BIRC3: variants seen among roughly 807,000 people sequenced by gnomAD.
BIRC3 encodes the protein baculoviral IAP repeat containing 3.
In BIRC3, 26 loss-of-function variants were observed where a neutral mutation model predicts 59.0. The observed-to-expected ratio is 0.44, with a 90% CI of 0.32 to 0.61. BIRC3 has a LOEUF of 0.61. Among genes scored for constraint, BIRC3 ranks in the 20% least tolerant of loss-of-function variants. The pLI is 0.04. For missense variants in BIRC3, 641 were observed against 711.5 expected (o/e 0.90, Z 1.13); for synonymous variants, 243 against 249.2 (o/e 0.98, Z 0.24).
rs898754712 is a variant in BIRC3, at chr11:102,324,451, T to C, written c.-59T>C. 23 of 1,520,138 alleles carry C rather than the reference T, an allele frequency of 1.5e-5. No individual in the cohort carries two copies. The African/African-American group carries it at 2.4e-4, about 16-fold the overall frequency. 94.2% of individuals were successfully genotyped at this position (1,520,138 alleles called of 1,614,324 possible). ...ATTAAAACTGATAAAAGCAAAGCCATGCACAAAACTACCTCCCTAGAGAAA... is the reference window on the plus strand; with the variant it reads ...ATTAAAACTGATAAAAGCAAAGCCACGCACAAAACTACCTCCCTAGAGAAA... On this transcript the variant is annotated 5_prime_UTR_variant, in exon 2 of 9. An upstream start codon of the reference 5' UTR is lost. Transcript: ENST00000263464.
In BIRC3 at chr11:102,331,053, C is replaced by T. The variant is rs761718383; in HGVS notation, c.1136C>T (p.Thr379Ile). 4.3e-6 allele frequency: 7 copies of T among 1,613,810 alleles called. No individual in the cohort carries two copies. In the Admixed American group the frequency reaches 8.3e-5, roughly 19 times the overall value. Residue 379 changes from threonine to isoleucine, a missense_variant, in exon 6 of 9, where the codon ACT becomes ATT. Around this residue, in one of 4 missense-constraint regions of BIRC3, gnomAD observed 268 missense variants for 255.7 expected, o/e 1.05. Coordinates refer to ENST00000263464, the MANE Select transcript of BIRC3 (RefSeq NM_001165.5). ...TCAGAAGATGCAATCATGATGAATACTCCTGTGATTAATGCTGCCGTGGAA... is the reference window on the plus strand; with the variant it reads ...TCAGAAGATGCAATCATGATGAATATTCCTGTGATTAATGCTGCCGTGGAA... ...DHSEDAIMMN[T>I]PVINAAVEMG... is the part of the protein sequence containing the mutation.
In BIRC3 at chr11:102,337,338, C is replaced by T. The variant is rs897086209; in HGVS notation, c.*236C>T. The T allele has an allele frequency of 2.5e-6, 1 of 402,324 alleles. No homozygotes were observed. The highest frequency in any genetic ancestry group is 2.1e-5 in the African/African-American group (1 of 48,602). 24.9% of individuals were successfully genotyped at this position (402,324 alleles called of 1,614,324 possible). On this transcript the variant is annotated 3_prime_UTR_variant, in exon 9 of 9. Coordinates refer to ENST00000263464, the MANE Select transcript of BIRC3 (RefSeq NM_001165.5). ...CGAAAAAGAGGTAGCACTACAAACA[C>T]AATATTCAATCAAAATTTCAGCATT... is the stretch of plus-strand genomic sequence containing the variant.
Position 102,324,938 on chromosome 11 carries a change from A to G in BIRC3, c.429A>G (p.Ser143=), listed in dbSNP as rs763857331. The change falls in exon 2 of 9, where the codon TCA becomes TCG. Residue 143 remains serine, a synonymous_variant. Coordinates refer to ENST00000263464, the MANE Select transcript of BIRC3 (RefSeq NM_001165.5). ...YFRGSYSNSP[S]NPVNSRANQD... is the part of the protein sequence containing the mutation. ...GTGGCTCTTATTCAAACTCTCCATC[A>G]AATCCTGTAAACTCCAGAGCAAATC... 6 of 1,614,054 alleles carry G rather than the reference A, an allele frequency of 3.7e-6. No individual in the cohort carries two copies. In the South Asian group the frequency reaches 6.6e-5, roughly 18 times the overall value.
chr11:102,321,501 C>T (rs1358221871), intron 1 of BIRC3, among the ~76,000 whole-genome samples: 4 of 152,092 alleles, frequency 2.6e-5, no homozygotes, highest in East Asian at 3.9e-4. Flanking sequence ...ATTACAGGCG[C>T]GTACCACCAC....
At chr11:102,331,938 G>T (rs1311395987) in intron 6 of BIRC3, among the ~76,000 whole-genome samples, 1 of 152,150 alleles carries the variant, frequency 6.6e-6, no homozygotes, top group African/African-American at 2.4e-5. Flanking sequence ...ACCGTGCCTG[G>T]CTGGATGGTT....
At position 102,338,871 on chromosome 11, in the gene BIRC3, T is replaced by G; in HGVS notation, c.*1769T>G. 1 of 222,608 alleles carries G rather than the reference T, an allele frequency of 4.5e-6. No homozygotes were observed. 13.8% of individuals were successfully genotyped at this position (222,608 alleles called of 1,614,324 possible). ...TTCTGTGGCTTGCCTTCAGGGAGAA[T>G]GAGGCTGAGACAGGAGGGCAGGATA... is the stretch of plus-strand genomic sequence containing the variant. On this transcript the variant is annotated 3_prime_UTR_variant, in exon 9 of 9. Coordinates refer to ENST00000263464, the MANE Select transcript of BIRC3 (RefSeq NM_001165.5).
Position 102,336,778 on chromosome 11 carries a change from A to G in BIRC3, c.1598A>G (p.Tyr533Cys), listed in dbSNP as rs1380092376. 24 of 1,607,706 alleles carry G rather than the reference A, an allele frequency of 1.5e-5. No homozygotes were observed. Among genetic ancestry groups the G allele is most frequent in the Non-Finnish European group, 2.0e-5 (23 of 1,177,218 alleles). ...CCCTTAGTGCAACAGGACATAAAAT[A>G]TATTCCCACAGAAGATGTTTCAGGT... ...EHLFVQQDIK[Y>C]IPTEDVSDLP... is the part of the protein sequence containing the mutation. Residue 533 changes from tyrosine to cysteine, a missense_variant, in exon 8 of 9, where the codon TAT becomes TGT. Around this residue, in one of 4 missense-constraint regions of BIRC3, gnomAD observed 268 missense variants for 255.7 expected, o/e 1.05. Coordinates refer to ENST00000263464, the MANE Select transcript of BIRC3 (RefSeq NM_001165.5).
At chr11:102,318,020 T>C (rs1950989299) in intron 1 of BIRC3, among the ~76,000 whole-genome samples, 1 of 152,208 alleles carries the variant, frequency 6.6e-6, no homozygotes, top group Admixed American at 6.5e-5. Flanking sequence ...GTCTTCCTGG[T>C]GATCAGCATG....
rs1413284742 is a variant in BIRC3 at position 102,338,143 on chromosome 11, C to T, written c.*1041C>T. On this transcript the variant is annotated 3_prime_UTR_variant, in exon 9 of 9. Transcript: ENST00000263464. ...TCATATTGTCAGTGCAACAAAATGT[C>T]CCCCTCTGCATTATGTTATTGGTAC... 1 of 228,482 alleles carries T rather than the reference C, an allele frequency of 4.4e-6. No individual in the cohort carries two copies. Among genetic ancestry groups the T allele is most frequent in the East Asian group, 6.3e-5 (1 of 15,990 alleles). The allele number at this position is 228,482 out of a possible 1,614,324, so 14.2% of individuals were successfully genotyped here.
chr11:102,325,602 A>T (rs373684343), intron 3 of BIRC3, 37 bp downstream of exon 3: 21 of 1,587,098 alleles, frequency 1.3e-5, no homozygotes, highest in Non-Finnish European at 1.8e-5. Context: ...AATTCTTGTG[A>T]TTATCATGAG....
intron 4 of BIRC3, among the ~76,000 whole-genome samples, chr11:102,328,374 G>A (rs1020145367): frequency 6.6e-6 from 1 of 151,962 alleles, no homozygotes; most frequent in Non-Finnish European, 1.5e-5. Flanking sequence ...ATCAAACTTC[G>A]AGAAAAAATG....
At position 102,325,365 on chromosome 11, in the gene BIRC3, A is replaced by G. The variant is rs1171148865; in HGVS notation, c.853+3A>G. 3 of 1,592,788 alleles carry G rather than the reference A, an allele frequency of 1.9e-6. No homozygotes were observed. The highest frequency in any genetic ancestry group is 2.2e-5 in the East Asian group (1 of 44,652). On this transcript the variant is annotated splice_donor_region_variant and intron_variant, in intron 2 of 8. Coordinates refer to ENST00000263464, the MANE Select transcript of BIRC3 (RefSeq NM_001165.5). Reference sequence around the variant, plus strand: ...AAGTGCGGGTTTTTATTATGTGGGTAAGAAACTGAATCTGCTAATTAAAAA... The same window carrying G: ...AAGTGCGGGTTTTTATTATGTGGGTGAGAAACTGAATCTGCTAATTAAAAA...
In BIRC3 at chr11:102,323,956, C is replaced by T; in HGVS notation, c.-554C>T. 1 of 205,046 alleles carries T rather than the reference C, an allele frequency of 4.9e-6. No individual in the cohort carries two copies. The allele number at this position is 205,046 out of a possible 1,614,324, so 12.7% of individuals were successfully genotyped here. ...TGAAATATGGTAATGTATTATTTTCCTCCTTTGAGTTAGGTCTTGTGCTTT... is the reference window on the plus strand; with the variant it reads ...TGAAATATGGTAATGTATTATTTTCTTCCTTTGAGTTAGGTCTTGTGCTTT... On this transcript the variant is annotated 5_prime_UTR_variant, in exon 2 of 9. Transcript: ENST00000263464.
At chr11:102,326,331 G>C (rs558844577) in intron 3 of BIRC3, among the ~76,000 whole-genome samples, 32 of 152,322 alleles carry the variant, frequency 2.1e-4, no homozygotes, top group African/African-American at 7.5e-4. Flanking sequence ...GGTAAGTATA[G>C]ACTCATCTCA....
intron 6 of BIRC3, among the ~76,000 whole-genome samples, chr11:102,334,989 C>T (rs1292501517): frequency 2.0e-5 from 3 of 152,082 alleles, no homozygotes; most frequent in Non-Finnish European, 2.9e-5. Flanking sequence ...ACTTGTAATC[C>T]CAGCACTTTT....
At chr11:102,318,286 T>C (rs2135779718) in intron 1 of BIRC3, among the ~76,000 whole-genome samples, 1 of 152,330 alleles carries the variant, frequency 6.6e-6, no homozygotes. Flanking sequence ...CTTGGAGATT[T>C]ACTTGTGCAA....
intron 6 of BIRC3, among the ~76,000 whole-genome samples, chr11:102,335,531 G>A (rs1446391431): frequency 6.6e-6 from 1 of 152,124 alleles, no homozygotes; most frequent in South Asian, 2.1e-4. Context: ...TGTTAAATGA[G>A]GCTATTAGGA....
At chr11:102,333,418 G>A (rs1951164561) in intron 6 of BIRC3, among the ~76,000 whole-genome samples, 1 of 151,828 alleles carries the variant, frequency 6.6e-6, no homozygotes, top group African/African-American at 2.4e-5. Context: ...ATAAAAATTA[G>A]CAGGGTGTGG....
intron 1 of BIRC3, among the ~76,000 whole-genome samples, chr11:102,321,347 G>GTTTTA (rs201549635): frequency 0.021 from 3,158 of 151,978 alleles, 61 homozygotes; most frequent in African/African-American, 0.048. Flanking sequence ...AAACCTCTGG[G>GTTTTA]TTTTATTTTA....
Sources: gnomAD v4.1 joint callset for allele counts (sites outside exome capture counted in the v4.1 genomes callset) on GRCh38, gnomAD v4.1.1 for gene constraint, gnomAD v4.1.1 regional missense constraint, MANE v1.5 for transcripts, NCBI Gene and HGNC (gene_info 2026-07-23, HGNC 2026-07-21) for gene names.